SEMA6A: variants seen among roughly 807,000 people sequenced by gnomAD.
The protein encoded by SEMA6A is semaphorin-6A.
SEMA6A carries 25 observed loss-of-function variants against 96.8 expected under a neutral mutation model. That is an observed-to-expected ratio of 0.26 (90% CI 0.19 to 0.36). The LOEUF (loss-of-function observed/expected upper bound fraction) is 0.36, where lower values mean the gene tolerates loss of function less well. Among genes scored for constraint, SEMA6A ranks in the 10% least tolerant of loss-of-function variants. The probability of loss-of-function intolerance (pLI) is 1.00; values close to 1 mark genes in which losing one functional copy is unlikely to be tolerated. For synonymous variants in SEMA6A, 612 were observed against 518.0 expected, an observed-to-expected ratio of 1.18 and a Z score of -2.46; for missense variants, 1,363 against 1,323.1, an observed-to-expected ratio of 1.03 and a Z score of -0.47.
chr5:116,453,956 C>A (rs775455101), intron 18 of SEMA6A, among the ~76,000 whole-genome samples: 30 of 152,224 alleles, frequency 2.0e-4, no homozygotes, highest in South Asian at 4.2e-4. Flanking sequence ...TCTACTCACC[C>A]CCACCCCAAT....
intron 16 of SEMA6A, among the ~76,000 whole-genome samples, chr5:116,474,364 G>T (rs1756342761): frequency 6.6e-6 from 1 of 151,294 alleles, no homozygotes. Flanking sequence ...GATGATTAAG[G>T]TCCACTGATC....
At chr5:116,552,863 T>C (rs1760472418) in intron 1 of SEMA6A, among the ~76,000 whole-genome samples, 1 of 152,198 alleles carries the variant, frequency 6.6e-6, no homozygotes, top group South Asian at 2.1e-4. Flanking sequence ...GCTGGAAAAT[T>C]TTAAAGAGTA....
In SEMA6A at chr5:116,480,233, G is replaced by A; in HGVS notation, c.1139C>T (p.Thr380Ile). The A allele has an allele frequency of 6.2e-7, 1 of 1,613,846 alleles. No individual in the cohort carries two copies. Among genetic ancestry groups the A allele is most frequent in the Non-Finnish European group, 8.5e-7 (1 of 1,179,796 alleles). Reference protein sequence around the residue: ...AGSSSLERYATSNEFPDDTLN... With the variant: ...AGSSSLERYAISNEFPDDTLN... ...GGTATCATCAGGGAACTCATTGGAG[G>A]TTGCATATCTTTCTAAGGAGGATGA... Residue 380 changes from threonine to isoleucine, a missense_variant, in exon 12 of 19, where the codon ACC (threonine) becomes ATC (isoleucine). Around this residue, in one of 2 missense-constraint regions of SEMA6A, gnomAD observed 480 missense variants for 559.5 expected, o/e 0.86. Transcript: ENST00000343348.
intron 18 of SEMA6A, among the ~76,000 whole-genome samples, chr5:116,454,303 G>A (rs376763574): frequency 2.6e-5 from 4 of 152,124 alleles, no homozygotes; most frequent in African/African-American, 9.7e-5. Context: ...CCCCGGAGTA[G>A]CATCCCCTAA....
intron 10 of SEMA6A, among the ~76,000 whole-genome samples, chr5:116,483,866 C>A (rs191902283): frequency 7.2e-5 from 11 of 152,066 alleles, no homozygotes; most frequent in Non-Finnish European, 7.4e-5. Flanking sequence ...GAGTTCAAGA[C>A]CAGAGTGGCC....
Position 116,511,032 on chromosome 5 carries a change from G to C in SEMA6A, c.-38-6050C>G, listed in dbSNP as rs533264740. ...CAAGAGTAAACTGCAATTCAGGGAG[G>C]TTAAGTAACATGTCTAGGCAGCACA... On this transcript the variant is annotated intron_variant, in intron 1 of 18. Coordinates refer to ENST00000343348, the MANE Select transcript of SEMA6A (RefSeq NM_020796.5). Among the ~76,000 whole-genome samples the C allele has an allele frequency of 2.0e-5, 3 of 152,262 alleles. No individual in the cohort carries two copies. In the East Asian group the frequency reaches 5.8e-4, roughly 29 times the overall value.
At chr5:116,469,401 GTTCCTTTAT>G (rs1175711450) in intron 17 of SEMA6A, 2 of 152,118 alleles carry the variant, frequency 1.3e-5, no homozygotes, top group Non-Finnish European at 2.9e-5. Flanking sequence ...AAATATAGAA[GTTCCTTTAT>G]TTCCTTTCAG....
chr5:116,495,382 A>C (rs1344021312), intron 6 of SEMA6A, 31 bp downstream of exon 6: 1 of 1,500,268 alleles, frequency 6.7e-7, no homozygotes, highest in Non-Finnish European at 9.2e-7. Flanking sequence ...GCCTCCTGGC[A>C]GTGTGGTTCC....
intron 1 of SEMA6A, among the ~76,000 whole-genome samples, chr5:116,510,373 A>G (rs897283597): frequency 1.3e-5 from 2 of 152,230 alleles, no homozygotes; most frequent in Admixed American, 6.5e-5. Context: ...AAAAACTCCT[A>G]CGTGACATCA....
intron 1 of SEMA6A, among the ~76,000 whole-genome samples, chr5:116,536,757 G>GTACTGCATTGTCACAGT: frequency 6.6e-6 from 1 of 150,612 alleles, no homozygotes; most frequent in Non-Finnish European, 1.5e-5. Context: ...TTCTCTTCAG[G>GTACTGCATTGTCACAGT]TACTGCATTG....
At chr5:116,472,324 C>G (rs1380907756) in intron 17 of SEMA6A, 1 of 152,288 alleles carries the variant, frequency 6.6e-6, no homozygotes, top group African/African-American at 2.4e-5. Flanking sequence ...CGTCACTCTT[C>G]CTTGTCTACA....
chr5:116,567,936 T>TG (rs1357877898), intron 1 of SEMA6A, among the ~76,000 whole-genome samples: 1 of 152,214 alleles, frequency 6.6e-6, no homozygotes, highest in Non-Finnish European at 1.5e-5. Flanking sequence ...CCTATGACCT[T>TG]GCCTGATTTA....
At chr5:116,504,407 A>T (rs1758041310) in intron 2 of SEMA6A, among the ~76,000 whole-genome samples, 1 of 152,224 alleles carries the variant, frequency 6.6e-6, no homozygotes. Context: ...TTAACTATGT[A>T]ACTTCTAAGT....
At chr5:116,505,362 C>T (rs1222485364) in intron 1 of SEMA6A, among the ~76,000 whole-genome samples, 1 of 151,844 alleles carries the variant, frequency 6.6e-6, no homozygotes, top group Non-Finnish European at 1.5e-5. Context: ...GATTTTTCAG[C>T]TTCTTTGTAA....
intron 1 of SEMA6A, among the ~76,000 whole-genome samples, chr5:116,526,435 A>T (rs1253141418): frequency 6.6e-6 from 1 of 152,194 alleles, no homozygotes; most frequent in Non-Finnish European, 1.5e-5. Flanking sequence ...TATCCACACC[A>T]TTAGTGAACC....
rs117812985 is a variant in SEMA6A, at chr5:116,481,642, C to T, written c.1094+802G>A. On this transcript the variant is annotated intron_variant, in intron 11 of 18. Transcript: ENST00000343348. ...AGAGGCACACAACTCCTGGGGAAGA[C>T]AGACACCATGGGTTGTTTCTATGAA... 9.5e-3 allele frequency among the ~76,000 whole-genome samples: 1,440 copies of T among 152,244 alleles called. 52 individuals are homozygous for T. The highest frequency in any genetic ancestry group is 0.052 in the Admixed American group (795 of 15,276).
rs1362148241 is a variant in SEMA6A, at chr5:116,574,819, C to T, written c.-673G>A. On this transcript the variant is annotated 5_prime_UTR_variant, in exon 1 of 19. Coordinates refer to ENST00000343348, the MANE Select transcript of SEMA6A (RefSeq NM_020796.5). ...GCCTCACCCCGTGCCGCTCACTACTCCTCTGTCACCGGAGAGGCCGCCGCT... is the reference window on the plus strand; with the variant it reads ...GCCTCACCCCGTGCCGCTCACTACTTCTCTGTCACCGGAGAGGCCGCCGCT... 2 of 152,362 alleles carry T rather than the reference C, an allele frequency of 1.3e-5. No individual in the cohort carries two copies. The highest frequency in any genetic ancestry group is 4.8e-5 in the African/African-American group (2 of 41,470). 9.4% of individuals were successfully genotyped at this position (152,362 alleles called of 1,614,324 possible).
At chr5:116,543,011 A>G (rs939739576) in intron 1 of SEMA6A, among the ~76,000 whole-genome samples, 4 of 152,296 alleles carry the variant, frequency 2.6e-5, no homozygotes, top group African/African-American at 9.6e-5. Flanking sequence ...GAATACTCAC[A>G]GAGCTCAAAT....
intron 1 of SEMA6A, among the ~76,000 whole-genome samples, chr5:116,534,924 T>G (rs1474291761): frequency 6.6e-6 from 1 of 152,206 alleles, no homozygotes; most frequent in Non-Finnish European, 1.5e-5. Flanking sequence ...AAAGAGTACC[T>G]GAAGAAATTC....
Sources: allele counts gnomAD v4.1 joint callset (sites outside exome capture counted in the v4.1 genomes callset), GRCh38; gene constraint gnomAD v4.1.1; regional missense constraint gnomAD v4.1.1; transcripts MANE v1.5; gene names NCBI Gene and HGNC (gene_info 2026-07-23, HGNC 2026-07-21).